Variants in ROBO2 observed in about 807,000 individuals in gnomAD.
ROBO2 encodes the protein roundabout homolog 2.
ROBO2 carries 53 observed loss-of-function variants against 160.8 expected under a neutral mutation model. The ratio of observed to expected loss-of-function variants is 0.33; its 90% CI spans 0.26 to 0.41. ROBO2 has a LOEUF of 0.41. Ranked by LOEUF, ROBO2 falls within the 10% of genes least tolerant of loss-of-function variation. The pLI, the probability that ROBO2 is intolerant of heterozygous loss-of-function variation, is 1.00. For synonymous variants in ROBO2, 664 were observed against 611.7 expected, an observed-to-expected ratio of 1.09 and a Z score of -1.26; for missense variants, 1,577 against 1,722.4, an observed-to-expected ratio of 0.92 and a Z score of 1.49.
rs79216754 is a variant in ROBO2 at position 75,937,712 on chromosome 3, C to T, written c.109+110C>T. 13 of 610,298 alleles carry T rather than the reference C, an allele frequency of 2.1e-5. No homozygotes were observed. The East Asian group carries it at 3.6e-4, about 17-fold the overall frequency. 37.8% of individuals were successfully genotyped at this position (610,298 alleles called of 1,614,324 possible). ...TTTAAGCAATTTGTTGTAATTTTCCCCCAGGTTTTTGTTACACGGTATTGT... is the reference window on the plus strand; with the variant it reads ...TTTAAGCAATTTGTTGTAATTTTCCTCCAGGTTTTTGTTACACGGTATTGT... On this transcript the variant is annotated intron_variant, in intron 2 of 26. Transcript: ENST00000487694.
chr3:77,448,725 G>A (rs545939065), intron 2 of ROBO2, among the ~76,000 whole-genome samples: 1 of 151,626 alleles, frequency 6.6e-6, no homozygotes, highest in Non-Finnish European at 1.5e-5. Flanking sequence ...CTTCTCGGGG[G>A]AACTGGGCAA....
At chr3:75,941,634 A>T (rs1167071824) in intron 2 of ROBO2, among the ~76,000 whole-genome samples, 2 of 152,188 alleles carry the variant, frequency 1.3e-5, no homozygotes. Flanking sequence ...TTTTGAGGAC[A>T]ATTTAATTTA....
chr3:76,511,206 G>A (rs915228739), intron 2 of ROBO2, among the ~76,000 whole-genome samples: 3 of 152,160 alleles, frequency 2.0e-5, no homozygotes, highest in South Asian at 2.1e-4. Context: ...CTGTGCTACC[G>A]TGTCAGGCAC....
At chr3:77,289,265 C>A (rs1455280509) in intron 2 of ROBO2, among the ~76,000 whole-genome samples, 1 of 152,004 alleles carries the variant, frequency 6.6e-6, no homozygotes, top group Non-Finnish European at 1.5e-5. Flanking sequence ...TTGGAAGTGA[C>A]AATTGAGAAA....
rs190444276 is a variant in ROBO2 at position 76,018,137 on chromosome 3, A to G, written c.109+80535A>G. Among the ~76,000 whole-genome samples the G allele has an allele frequency of 1.1e-3, 174 of 152,144 alleles. 1 individual carries two copies. The highest frequency in any genetic ancestry group is 2.9e-3 in the East Asian group (15 of 5,184). ...GGGATAGATGGATAAAATTTAATCT[A>G]TATATTACTGGGCAATAGTTAAAAG... On this transcript the variant is annotated intron_variant, in intron 2 of 26. Coordinates refer to the ROBO2 transcript ENST00000487694.
chr3:76,182,905 T>A (rs574791750), intron 2 of ROBO2, among the ~76,000 whole-genome samples: 1 of 152,304 alleles, frequency 6.6e-6, no homozygotes, highest in East Asian at 1.9e-4. Flanking sequence ...GTTCCTGGTG[T>A]CTATTTGCTC....
intron 2 of ROBO2, among the ~76,000 whole-genome samples, chr3:76,533,990 T>C (rs112708747): frequency 6.6e-6 from 1 of 152,274 alleles, no homozygotes; most frequent in Non-Finnish European, 1.5e-5. Context: ...TCTGGACATA[T>C]GTGTGCAGGT....
At chr3:77,510,685 A>C (rs1198668534) in intron 5 of ROBO2, among the ~76,000 whole-genome samples, 1 of 152,118 alleles carries the variant, frequency 6.6e-6, no homozygotes, top group Non-Finnish European at 1.5e-5. Flanking sequence ...CATTTTAAGG[A>C]AGAAGAAATT....
chr3:76,883,548 C>G (rs560100351), intron 2 of ROBO2, among the ~76,000 whole-genome samples: 1 of 152,260 alleles, frequency 6.6e-6, no homozygotes, highest in South Asian at 2.1e-4. Context: ...TCAACAGAAG[C>G]ATATGATGGA....
intron 2 of ROBO2, among the ~76,000 whole-genome samples, chr3:77,359,025 C>A (rs1327362703): frequency 6.6e-6 from 1 of 152,194 alleles, no homozygotes; most frequent in Non-Finnish European, 1.5e-5. Flanking sequence ...TTAACAGAAA[C>A]AAAAGTGTTT....
intron 2 of ROBO2, among the ~76,000 whole-genome samples, chr3:76,278,951 T>C (rs1576234782): frequency 6.6e-6 from 1 of 151,938 alleles, no homozygotes; most frequent in African/African-American, 2.4e-5. Context: ...GTGATTCTAT[T>C]TGATACTCAT....
chr3:77,336,929 T>C (rs894987852), intron 2 of ROBO2, among the ~76,000 whole-genome samples: 1 of 152,232 alleles, frequency 6.6e-6, no homozygotes, highest in African/African-American at 2.4e-5. Flanking sequence ...GTTCCACTTT[T>C]GTTTTGCTAA....
intron 2 of ROBO2, among the ~76,000 whole-genome samples, chr3:76,764,924 G>C (rs932479765): frequency 4.6e-5 from 7 of 151,740 alleles, no homozygotes; most frequent in African/African-American, 1.7e-4. Flanking sequence ...CATATTTATA[G>C]ATTTATGGGA....
intron 2 of ROBO2, among the ~76,000 whole-genome samples, chr3:76,011,097 A>C (rs1354702911): frequency 6.6e-6 from 1 of 152,160 alleles, no homozygotes; most frequent in Admixed American, 6.5e-5. Context: ...TCTGTTAGCT[A>C]TAAAATAGAC....
intron 2 of ROBO2, among the ~76,000 whole-genome samples, chr3:77,394,615 C>T (rs2075086865): frequency 6.6e-6 from 1 of 152,136 alleles, no homozygotes; most frequent in Non-Finnish European, 1.5e-5. Context: ...ATGACTTTAG[C>T]TCATTTCACC....
chr3:76,218,417 T>A (rs1181765585), intron 2 of ROBO2, among the ~76,000 whole-genome samples: 1 of 152,142 alleles, frequency 6.6e-6, no homozygotes, highest in Non-Finnish European at 1.5e-5. Context: ...GAAAACCCCA[T>A]TGTCTCAGCC....
chr3:76,078,751 G>T (rs1392310388), intron 2 of ROBO2, among the ~76,000 whole-genome samples: 1 of 151,214 alleles, frequency 6.6e-6, no homozygotes, highest in Non-Finnish European at 1.5e-5. Context: ...GAAAAAAAAA[G>T]CTTGCCATAT....
At chr3:77,088,795 C>T (rs758785093) in intron 1 of ROBO2, among the ~76,000 whole-genome samples, 2 of 152,164 alleles carry the variant, frequency 1.3e-5, no homozygotes, top group Non-Finnish European at 2.9e-5. Context: ...ACAGCAGATA[C>T]AAGACCTACA....
intron 2 of ROBO2, among the ~76,000 whole-genome samples, chr3:77,223,831 A>G (rs1459991960): frequency 6.6e-6 from 1 of 151,648 alleles, no homozygotes; most frequent in Admixed American, 6.6e-5. Context: ...TGGATTGTTT[A>G]TTTTAATAAA....
Sources: allele counts gnomAD v4.1 joint callset (sites outside exome capture counted in the v4.1 genomes callset), GRCh38; gene constraint gnomAD v4.1.1; transcripts MANE v1.5; gene names NCBI Gene and HGNC (gene_info 2026-07-23, HGNC 2026-07-21).